The following KATNIP variants were observed in gnomAD, a reference collection of about 807,000 sequenced individuals.
KATNIP encodes katanin interacting protein.
In KATNIP, 126 loss-of-function variants were observed where a neutral mutation model predicts 174.0. That is an observed-to-expected ratio of 0.72 (90% CI 0.63 to 0.84). The LOEUF (loss-of-function observed/expected upper bound fraction) is 0.84. Ranked by LOEUF, KATNIP falls within the 40% of genes least tolerant of loss-of-function variation. KATNIP has a pLI of 0.00. For missense variants in KATNIP, 1,958 were observed against 2,109.7 expected (o/e 0.93, Z 1.41); for synonymous variants, 810 against 835.7 (o/e 0.97, Z 0.53).
chr16:27,689,406 G>A (rs140237229), intron 8 of KATNIP, among the ~76,000 whole-genome samples: 3,342 of 150,598 alleles, frequency 0.022, 137 homozygotes, highest in African/African-American at 0.078. Context: ...GTGAGACTCC[G>A]TCTAAAAAAA....
In KATNIP at chr16:27,677,808, T is replaced by C. The variant is rs2078178218; in HGVS notation, c.620T>C (p.Ile207Thr). The change falls in exon 7 of 28, where the codon ATT (isoleucine) becomes ACT (threonine). Residue 207 changes from isoleucine (I) to threonine (T), a missense_variant. By Grantham distance (89) the Ile-to-Thr change is moderately conservative. Around this residue, in one of 3 missense-constraint regions of KATNIP, gnomAD observed 1,557 missense variants for 1,617.8 expected, o/e 0.96. Coordinates refer to ENST00000261588, the MANE Select transcript of KATNIP (RefSeq NM_015202.5). Reference sequence around the variant, plus strand: ...TGTTCCAGCGATGAGTATGACTCTATTGAGGAAGACATACTCTCTGAGCCT... The same window carrying C: ...TGTTCCAGCGATGAGTATGACTCTACTGAGGAAGACATACTCTCTGAGCCT... The part of the protein sequence containing the change: ...KDCSSDEYDS[I>T]EEDILSEPEP... 5 of 1,614,222 alleles carry C rather than the reference T, an allele frequency of 3.1e-6. No homozygotes were observed. The highest frequency in any genetic ancestry group is 4.2e-6 in the Non-Finnish European group (5 of 1,180,038).
intron 18 of KATNIP, among the ~76,000 whole-genome samples, chr16:27,758,163 A>T (rs1006491691): frequency 3.9e-5 from 6 of 152,148 alleles, no homozygotes; most frequent in African/African-American, 1.4e-4. Context: ...GAGACTGGGC[A>T]TCTCTTTGTT....
intron 2 of KATNIP, among the ~76,000 whole-genome samples, chr16:27,607,444 T>C (rs2141987908): frequency 6.6e-6 from 1 of 152,250 alleles, no homozygotes; most frequent in East Asian, 1.9e-4. Context: ...CAGTAAAGGA[T>C]GCCTGAAAAG....
chr16:27,636,063 A>T (rs2076627140), intron 5 of KATNIP, among the ~76,000 whole-genome samples: 3 of 152,122 alleles, frequency 2.0e-5, no homozygotes, highest in Admixed American at 2.0e-4. Flanking sequence ...TGAGACAGTT[A>T]GGATCGCTTG....
intron 8 of KATNIP, among the ~76,000 whole-genome samples, chr16:27,686,365 T>C (rs2078523654): frequency 6.6e-6 from 1 of 152,250 alleles, no homozygotes; most frequent in Non-Finnish European, 1.5e-5. Flanking sequence ...GTAATGCTTT[T>C]TGCCTTAAAG....
intron 18 of KATNIP, among the ~76,000 whole-genome samples, chr16:27,760,155 G>A (rs2081898193): frequency 6.6e-6 from 1 of 152,164 alleles, no homozygotes; most frequent in Admixed American, 6.5e-5. Context: ...GAGCTGCAAG[G>A]GGGTGGTGCC....
At chr16:27,772,836 C>T (rs1480401804) in intron 22 of KATNIP, among the ~76,000 whole-genome samples, 1 of 152,088 alleles carries the variant, frequency 6.6e-6, no homozygotes, top group East Asian at 1.9e-4. Flanking sequence ...CACACACACA[C>T]GGGCACACGC....
At chr16:27,607,463 C>T (rs1447514603) in intron 2 of KATNIP, among the ~76,000 whole-genome samples, 3 of 152,134 alleles carry the variant, frequency 2.0e-5, no homozygotes. Context: ...AGCTGGACCC[C>T]AGTAACTTCA....
chr16:27,757,405 G>A (rs1019337549), intron 18 of KATNIP: 6 of 676,670 alleles, frequency 8.9e-6, no homozygotes, highest in Admixed American at 6.3e-5. Context: ...TCTCCAGAGC[G>A]GGTCAGAGTG....
chr16:27,644,606 A>C (rs1364676583), intron 5 of KATNIP: 1 of 152,380 alleles, frequency 6.6e-6, no homozygotes, highest in East Asian at 1.9e-4. Flanking sequence ...CCTAGGCTCA[A>C]GTGATCCTCT....
chr16:27,682,658 G>A (rs765308999), intron 8 of KATNIP, among the ~76,000 whole-genome samples: 10 of 152,188 alleles, frequency 6.6e-5, no homozygotes, highest in Admixed American at 2.0e-4. Flanking sequence ...GAACCTGGGC[G>A]CTGGGGAGCC....
intron 1 of KATNIP, among the ~76,000 whole-genome samples, chr16:27,569,284 G>A (rs1335916207): frequency 1.3e-5 from 2 of 152,198 alleles, no homozygotes; most frequent in South Asian, 2.1e-4. Context: ...TTCATCTAGA[G>A]CAAAGTGTCA....
At chr16:27,584,841 A>G (rs1056947220) in intron 2 of KATNIP, among the ~76,000 whole-genome samples, 12 of 152,168 alleles carry the variant, frequency 7.9e-5, no homozygotes, top group African/African-American at 2.2e-4. Context: ...ACTCTTCACA[A>G]TGCCCTATAA....
chr16:27,572,398 C>CACACACAG (rs777532410), intron 1 of KATNIP, among the ~76,000 whole-genome samples: 2 of 151,034 alleles, frequency 1.3e-5, no homozygotes, highest in African/African-American at 4.9e-5. Context: ...CACACACACA[C>CACACACAG]AATGAAGACA....
In KATNIP at chr16:27,750,293, A is replaced by T. The variant is rs61730230; in HGVS notation, c.3333A>T (p.Gly1111=). ...AAGGAGAAATCGCCAAGGCCTCTGGAACCCTGGCGGGAGGTATGGCGTGTC... is the reference window on the plus strand; with the variant it reads ...AAGGAGAAATCGCCAAGGCCTCTGGTACCCTGGCGGGAGGTATGGCGTGTC... ...IFEGEIAKAS[G]TLAGAPEHFG... is the part of the protein sequence containing the mutation. Residue 1111 remains glycine (G), a synonymous_variant, in exon 16 of 28, where the codon GGA becomes GGT. Transcript: ENST00000261588. 883 of 1,610,722 alleles carry T rather than the reference A, an allele frequency of 5.5e-4. 3 individuals are homozygous for T. Among genetic ancestry groups the T allele is most frequent in the Admixed American group, 1.8e-4 (11 of 59,888 alleles).
intron 13 of KATNIP, among the ~76,000 whole-genome samples, chr16:27,713,385 T>C (rs191652901): frequency 1.3e-5 from 2 of 152,004 alleles, no homozygotes; most frequent in Non-Finnish European, 2.9e-5. Context: ...CCAAATCTCA[T>C]CTTGAATTGT....
At chr16:27,752,317 A>T (rs1298375165) in intron 17 of KATNIP, among the ~76,000 whole-genome samples, 1 of 152,162 alleles carries the variant, frequency 6.6e-6, no homozygotes, top group African/African-American at 2.4e-5. Context: ...TAAAATAATG[A>T]TCATCACAGC....
At chr16:27,700,266 A>G (rs1404050051) in intron 10 of KATNIP, among the ~76,000 whole-genome samples, 1 of 152,136 alleles carries the variant, frequency 6.6e-6, no homozygotes, top group Non-Finnish European at 1.5e-5. Flanking sequence ...TACCTTGAAT[A>G]AATAAATTTT....
intron 14 of KATNIP, among the ~76,000 whole-genome samples, chr16:27,725,943 G>A (rs1420105863): frequency 6.6e-6 from 1 of 152,094 alleles, no homozygotes; most frequent in African/African-American, 2.4e-5. Flanking sequence ...TTTCCCCAGG[G>A]GCATGTTTCT....
Sources: gnomAD v4.1 joint callset for allele counts (sites outside exome capture counted in the v4.1 genomes callset) on GRCh38, gnomAD v4.1.1 for gene constraint, gnomAD v4.1.1 regional missense constraint, MANE v1.5 for transcripts, NCBI Gene and HGNC (gene_info 2026-07-23, HGNC 2026-07-21) for gene names.